Variants in COG5 observed in about 807,000 individuals in gnomAD.
COG5 encodes conserved oligomeric Golgi complex subunit 5.
COG5 carries 86 observed loss-of-function variants against 110.4 expected under a neutral mutation model. The observed-to-expected ratio is 0.78, with a 90% CI of 0.65 to 0.93. COG5 has a LOEUF of 0.93. COG5 is among the 40% of genes least tolerant of loss of function. The pLI is 0.00. For synonymous variants in COG5, 360 were observed against 334.6 expected, an observed-to-expected ratio of 1.08 and a Z score of -0.83; for missense variants, 1,077 against 987.0, an observed-to-expected ratio of 1.09 and a Z score of -1.22.
At chr7:107,329,885 A>T (rs1014321135) in intron 10 of COG5, among the ~76,000 whole-genome samples, 3 of 152,168 alleles carry the variant, frequency 2.0e-5, no homozygotes, top group African/African-American at 7.2e-5. Flanking sequence ...ACAGAATAAG[A>T]CCCTGTCTTT....
At chr7:107,251,266 C>T (rs1286501999) in intron 16 of COG5, among the ~76,000 whole-genome samples, 1 of 151,956 alleles carries the variant, frequency 6.6e-6, no homozygotes, top group Admixed American at 6.6e-5. Flanking sequence ...TCTTTCAAAC[C>T]CATATTTCTA....
intron 6 of COG5, among the ~76,000 whole-genome samples, chr7:107,494,131 C>T (rs905636866): frequency 5.3e-5 from 8 of 152,036 alleles, no homozygotes; most frequent in Non-Finnish European, 7.4e-5. Context: ...ATATTACCTC[C>T]AATTTCAAAC....
intron 7 of COG5, among the ~76,000 whole-genome samples, chr7:107,375,904 G>T (rs1417814008): frequency 6.6e-6 from 1 of 151,886 alleles, no homozygotes; most frequent in Non-Finnish European, 1.5e-5. Flanking sequence ...CATTCATAAA[G>T]ATATCTTTCA....
rs7800600 is a variant in COG5, at chr7:107,406,956, T to C, written c.669+5546A>G. 4.7e-3 allele frequency among the ~76,000 whole-genome samples: 716 copies of C among 152,356 alleles called. 7 individuals are homozygous for C. The highest frequency in any genetic ancestry group is 0.017 in the African/African-American group (700 of 41,578). ...TACAAATTGCCATCTTTCTCACAAC[T>C]AAACAAACTATGCTAATATCAATTT... On this transcript the variant is annotated intron_variant, in intron 7 of 21. Transcript: ENST00000297135.
chr7:107,281,372 T>C lies in COG5; in HGVS notation c.1503A>G (p.Thr501=). 6.2e-7 allele frequency: 1 copy of C among 1,613,410 alleles called. No individual in the cohort carries two copies. The highest frequency in any genetic ancestry group is 8.5e-7 in the Non-Finnish European group (1 of 1,179,492). ...TTTTTGACACAGCTAATGTGAGGTT[T>C]GTATCAACAGCAGCAACATTTAGTT... The part of the protein sequence containing the change: ...ASELNVAAVD[T]NLTLAVSKNV... The change falls in exon 14 of 22, where the codon ACA becomes ACG. Residue 501 remains threonine, a synonymous_variant. Transcript: ENST00000297135.
intron 21 of COG5, among the ~76,000 whole-genome samples, chr7:107,206,569 C>G (rs2116137753): frequency 6.6e-6 from 1 of 152,332 alleles, no homozygotes; most frequent in East Asian, 1.9e-4. Context: ...GCTCATCTGT[C>G]TTTAAGACAC....
chr7:107,456,540 C>T (rs1049466811), intron 6 of COG5, among the ~76,000 whole-genome samples: 12 of 152,066 alleles, frequency 7.9e-5, no homozygotes, highest in African/African-American at 2.9e-4. Context: ...GTAAACACAA[C>T]GAACTCAATT....
Position 107,211,156 on chromosome 7 carries a change from G to A in COG5, c.2238C>T (p.Ser746=). 1 of 1,613,928 alleles carries A rather than the reference G, an allele frequency of 6.2e-7. No individual in the cohort carries two copies. Among genetic ancestry groups the A allele is most frequent in the Non-Finnish European group, 8.5e-7 (1 of 1,179,810 alleles). Residue 746 remains serine, a synonymous_variant, in exon 20 of 22, where the codon AGC becomes AGT. Transcript: ENST00000297135. The part of the protein sequence containing the change: ...SPALGDVIPF[S]IIIQFLFTRA... ...TCGTGAACAAAAACTGAATAATGATGCTGAACGGAATCACATCCCCCAATG... is the reference window on the plus strand; with the variant it reads ...TCGTGAACAAAAACTGAATAATGATACTGAACGGAATCACATCCCCCAATG...
At chr7:107,498,325 G>T (rs972559996) in intron 6 of COG5, among the ~76,000 whole-genome samples, 1 of 152,108 alleles carries the variant, frequency 6.6e-6, no homozygotes, top group African/African-American at 2.4e-5. Context: ...AAGGAAACAA[G>T]ACAGTGAAAA....
At chr7:107,211,612 T>G (rs1487411508) in intron 19 of COG5, among the ~76,000 whole-genome samples, 1 of 152,244 alleles carries the variant, frequency 6.6e-6, no homozygotes. Flanking sequence ...AGCTTTTATT[T>G]AAAATAGAAT....
chr7:107,554,208 C>A, intron 3 of COG5, 77 bp downstream of exon 3: 1 of 1,252,614 alleles, frequency 8.0e-7, no homozygotes, highest in Non-Finnish European at 1.2e-6. Context: ...AAATACTTGC[C>A]ATCCAAAGTA....
At chr7:107,477,406 C>G (rs1797056460) in intron 6 of COG5, among the ~76,000 whole-genome samples, 1 of 151,448 alleles carries the variant, frequency 6.6e-6, no homozygotes. Context: ...ATAACTATGC[C>G]AAAGAACTCA....
At chr7:107,290,870 A>C (rs1041844072) in intron 12 of COG5, among the ~76,000 whole-genome samples, 5 of 152,126 alleles carry the variant, frequency 3.3e-5, no homozygotes, top group African/African-American at 9.7e-5. Flanking sequence ...TGCCCAGGCT[A>C]GTCTTGAACT....
At chr7:107,425,747 C>T (rs1793603003) in intron 6 of COG5, among the ~76,000 whole-genome samples, 1 of 152,084 alleles carries the variant, frequency 6.6e-6, no homozygotes, top group Non-Finnish European at 1.5e-5. Flanking sequence ...AATAAGTCAT[C>T]AGAAATAACA....
chr7:107,305,421 A>G (rs1807630382), intron 11 of COG5, among the ~76,000 whole-genome samples: 1 of 152,196 alleles, frequency 6.6e-6, no homozygotes, highest in Non-Finnish European at 1.5e-5. Context: ...GAAGCCAGTA[A>G]TCTATTGCCT....
intron 7 of COG5, among the ~76,000 whole-genome samples, chr7:107,386,914 T>C (rs1303382298): frequency 6.6e-6 from 1 of 152,016 alleles, no homozygotes; most frequent in Admixed American, 6.6e-5. Context: ...TCACCTGCCT[T>C]ACCACCTCCT....
intron 5 of COG5, among the ~76,000 whole-genome samples, chr7:107,541,829 G>T (rs941892199): frequency 6.6e-6 from 1 of 151,170 alleles, no homozygotes; most frequent in Non-Finnish European, 1.5e-5. Context: ...TACTCAGGAG[G>T]CTGAGGCAGA....
intron 6 of COG5, among the ~76,000 whole-genome samples, chr7:107,489,110 A>C (rs1797831716): frequency 6.6e-6 from 1 of 152,186 alleles, no homozygotes; most frequent in Admixed American, 6.5e-5. Flanking sequence ...TAAGTTGTAC[A>C]TTTACAGTGT....
chr7:107,230,745 T>C (rs909630745), intron 18 of COG5, 54 bp from the exon 19 acceptor site: 9 of 1,370,186 alleles, frequency 6.6e-6, no homozygotes, highest in South Asian at 1.2e-5. Context: ...TTAGGGGAAT[T>C]TGGGAAAGAC....
Sources: allele counts gnomAD v4.1 joint callset (sites outside exome capture counted in the v4.1 genomes callset), GRCh38; gene constraint gnomAD v4.1.1; transcripts MANE v1.5; gene names NCBI Gene and HGNC (gene_info 2026-07-23, HGNC 2026-07-21).